The following POU6F2 variants were observed in gnomAD, a reference collection of about 807,000 sequenced individuals.
POU6F2 encodes POU class 6 homeobox 2.
In POU6F2, 31 loss-of-function variants were observed where a neutral mutation model predicts 71.3. The observed-to-expected ratio is 0.43, with a 90% CI of 0.33 to 0.59. The LOEUF (loss-of-function observed/expected upper bound fraction) is 0.59. Ranked by LOEUF, POU6F2 falls within the 20% of genes least tolerant of loss-of-function variation. The probability of loss-of-function intolerance (pLI) is 0.04; values close to 1 mark genes in which losing one functional copy is unlikely to be tolerated. For missense variants in POU6F2, 783 were observed against 856.8 expected, an observed-to-expected ratio of 0.91 and a Z score of 1.07; for synonymous variants, 347 against 355.7, an observed-to-expected ratio of 0.98 and a Z score of 0.27.
intron 1 of POU6F2, among the ~76,000 whole-genome samples, chr7:38,983,650 T>C (rs1308546296): frequency 1.3e-5 from 2 of 152,090 alleles, no homozygotes; most frequent in Non-Finnish European, 2.9e-5. Flanking sequence ...TTCTTGTTCT[T>C]CCCAGTTCCA....
At chr7:38,999,564 G>A (rs1307192525) in intron 1 of POU6F2, among the ~76,000 whole-genome samples, 1 of 152,110 alleles carries the variant, frequency 6.6e-6, no homozygotes, top group African/African-American at 2.4e-5. Flanking sequence ...GGGAACCATA[G>A]GCTTTTTCCC....
intron 7 of POU6F2, among the ~76,000 whole-genome samples, chr7:39,438,316 T>C (rs1311035352): frequency 6.6e-6 from 1 of 152,256 alleles, no homozygotes; most frequent in African/African-American, 2.4e-5. Flanking sequence ...ATGGTGCATA[T>C]GTGCCACATT....
In POU6F2 at chr7:39,451,802, C is replaced by A. The variant is rs533859692; in HGVS notation, c.1489+101C>A. 1.3e-4 allele frequency: 180 copies of A among 1,375,922 alleles called. 2 individuals are homozygous for A. Among genetic ancestry groups the A allele is most frequent in the South Asian group, 1.1e-3 (79 of 73,782 alleles). 85.2% of individuals were successfully genotyped at this position (1,375,922 alleles called of 1,614,324 possible). On this transcript the variant is annotated intron_variant, in intron 8 of 9. Transcript: ENST00000518318. ...TCTCTCTCACTCTCTCTTGCTCTCTCTTTCTCTCAACCCTGCACAGGAATT... is the reference window on the plus strand; with the variant it reads ...TCTCTCTCACTCTCTCTTGCTCTCTATTTCTCTCAACCCTGCACAGGAATT...
intron 5 of POU6F2, among the ~76,000 whole-genome samples, chr7:39,391,511 T>A (rs1284687903): frequency 1.3e-5 from 2 of 152,170 alleles, no homozygotes; most frequent in Non-Finnish European, 2.9e-5. Flanking sequence ...TACATGTTAT[T>A]CTGAAAAAAA....
intron 6 of POU6F2, among the ~76,000 whole-genome samples, chr7:39,416,093 T>C (rs1036392163): frequency 4.8e-4 from 67 of 139,300 alleles, no homozygotes; most frequent in African/African-American, 8.6e-4. Flanking sequence ...CTCGAAGGCA[T>C]ACACACACAC....
chr7:39,151,648 T>C (rs1234336559), intron 2 of POU6F2, among the ~76,000 whole-genome samples: 2 of 152,214 alleles, frequency 1.3e-5, no homozygotes, highest in African/African-American at 4.8e-5. Flanking sequence ...TAGTAACTTC[T>C]CTTTTCATCT....
chr7:39,118,887 A>G (rs1032485702), intron 2 of POU6F2, among the ~76,000 whole-genome samples: 5 of 152,374 alleles, frequency 3.3e-5, no homozygotes, highest in Non-Finnish European at 5.9e-5. Context: ...AAGGGCGTAT[A>G]TCAGGAACTA....
In POU6F2 at chr7:39,309,567, A is replaced by T. The variant is rs186393437; in HGVS notation, c.599-30075A>T. On this transcript the variant is annotated intron_variant, in intron 4 of 9. Transcript: ENST00000518318. ...TAGAAACTCCACACCTTTAAAAAAAATTTTTTTTCCTCAGGTTCACAAACT... is the reference window on the plus strand; with the variant it reads ...TAGAAACTCCACACCTTTAAAAAAATTTTTTTTTCCTCAGGTTCACAAACT... Among the ~76,000 whole-genome samples, 1,224 of 152,036 alleles carry T rather than the reference A, an allele frequency of 8.1e-3. 10 individuals are homozygous for T. The highest frequency in any genetic ancestry group is 0.014 in the Non-Finnish European group (956 of 68,004).
intron 4 of POU6F2, among the ~76,000 whole-genome samples, chr7:39,254,380 A>C (rs1016001979): frequency 4.6e-5 from 7 of 151,976 alleles, no homozygotes; most frequent in African/African-American, 1.7e-4. Context: ...GAATGGGCCC[A>C]CTCCTGTTTC....
At chr7:39,246,353 TGATTA>T (rs371434572) in intron 4 of POU6F2, among the ~76,000 whole-genome samples, 6 of 152,130 alleles carry the variant, frequency 3.9e-5, no homozygotes, top group African/African-American at 1.4e-4. Context: ...TTGCAAATTG[TGATTA>T]GTACTACCAA....
chr7:39,082,704 A>G (rs1229702538), intron 1 of POU6F2, among the ~76,000 whole-genome samples: 2 of 151,358 alleles, frequency 1.3e-5, no homozygotes, highest in African/African-American at 2.4e-5. Context: ...CTTGTGACAC[A>G]TTTTCAAATG....
chr7:39,396,742 T>C (rs918624964), intron 5 of POU6F2, among the ~76,000 whole-genome samples: 1 of 152,122 alleles, frequency 6.6e-6, no homozygotes, highest in African/African-American at 2.4e-5. Context: ...CACTTGTGCC[T>C]AGGGGCACAT....
At chr7:38,992,785 A>G (rs1005204996) in intron 1 of POU6F2, among the ~76,000 whole-genome samples, 2 of 152,190 alleles carry the variant, frequency 1.3e-5, no homozygotes, top group Non-Finnish European at 2.9e-5. Flanking sequence ...GGGTGGAAAT[A>G]TTGTGTTACT....
At chr7:39,396,194 G>A (rs73695748) in intron 5 of POU6F2, among the ~76,000 whole-genome samples, 4,551 of 152,288 alleles carry the variant, frequency 0.03, 230 homozygotes, top group African/African-American at 0.1. Context: ...GAGTTGGTGT[G>A]TCTCCATAAT....
At chr7:39,452,588 T>C (rs1386388166) in intron 8 of POU6F2, among the ~76,000 whole-genome samples, 4 of 152,222 alleles carry the variant, frequency 2.6e-5, no homozygotes, top group African/African-American at 7.2e-5. Flanking sequence ...TGACCTGTTA[T>C]AGCAGGAACA....
chr7:39,229,497 C>G (rs1794534061), intron 4 of POU6F2, among the ~76,000 whole-genome samples: 1 of 152,214 alleles, frequency 6.6e-6, no homozygotes, highest in African/African-American at 2.4e-5. Flanking sequence ...AACAATGATT[C>G]CAGAAACACG....
intron 2 of POU6F2, among the ~76,000 whole-genome samples, chr7:39,117,680 G>A (rs1040384387): frequency 6.6e-6 from 1 of 152,164 alleles, no homozygotes; most frequent in African/African-American, 2.4e-5. Flanking sequence ...GTCCCCTCAG[G>A]AACTGAGGCA....
intron 5 of POU6F2, among the ~76,000 whole-genome samples, chr7:39,386,117 CA>C (rs531818996): frequency 0.11 from 10,485 of 91,244 alleles, 411 homozygotes; most frequent in African/African-American, 0.16. Context: ...GACTCCGTCT[CA>C]AAAAAAAAAA....
At chr7:39,451,412 C>A (rs1261910554) in intron 7 of POU6F2, 121 bp from the exon 8 acceptor site, 3 of 1,120,158 alleles carry the variant, frequency 2.7e-6, no homozygotes, top group East Asian at 5.2e-5. Flanking sequence ...GCGCACTCTT[C>A]CTGAGAAGTA....
Sources: allele counts gnomAD v4.1 joint callset (sites outside exome capture counted in the v4.1 genomes callset), GRCh38; gene constraint gnomAD v4.1.1; transcripts MANE v1.5; gene names NCBI Gene and HGNC (gene_info 2026-07-23, HGNC 2026-07-21).